Variants in RGS5 observed in about 807,000 individuals in gnomAD.
The protein encoded by RGS5 is regulator of G-protein signalling 5.
RGS5 carries 20 observed loss-of-function variants against 18.9 expected under a neutral mutation model. The observed-to-expected ratio is 1.06, with a 90% confidence interval of 0.74 to 1.54. RGS5 has a LOEUF of 1.54. Ranked by LOEUF, RGS5 falls within the 40% of genes most tolerant of loss-of-function variation. The pLI, the probability that RGS5 is intolerant of heterozygous loss-of-function variation, is 0.00. For missense variants in RGS5, 201 were observed against 211.8 expected (o/e 0.95, Z 0.32); for synonymous variants, 57 against 76.2 (o/e 0.75, Z 1.31).
rs370572650 is a variant in RGS5, at chr1:163,233,955, C to T, written c.-280-65587G>A. On this transcript the variant is annotated intron_variant, in intron 2 of 5. Coordinates refer to the RGS5 transcript ENST00000618415. Reference sequence around the variant, plus strand: ...GGCTATTTTCACTTCTTTTGTGGATCTTCAGTTGCTTCAGGCCATCTGGAT... The same window carrying T: ...GGCTATTTTCACTTCTTTTGTGGATTTTCAGTTGCTTCAGGCCATCTGGAT... Among the ~76,000 whole-genome samples the T allele has an allele frequency of 6.5e-4, 99 of 152,268 alleles. 1 individual carries two copies. Among genetic ancestry groups the T allele is most frequent in the South Asian group, 5.8e-3 (28 of 4,820 alleles).
chr1:163,163,782 G>C (rs1161992716), intron 2 of RGS5, among the ~76,000 whole-genome samples: 1 of 152,152 alleles, frequency 6.6e-6, no homozygotes, highest in Non-Finnish European at 1.5e-5. Flanking sequence ...TAAATTATTA[G>C]ACAAAAGAAA....
At chr1:163,178,561 C>T (rs1210618219) in intron 1 of RGS5, among the ~76,000 whole-genome samples, 1 of 152,078 alleles carries the variant, frequency 6.6e-6, no homozygotes, top group African/African-American at 2.4e-5. Flanking sequence ...GGTTCCTACC[C>T]TTAACCAAGA....
intron 2 of RGS5, among the ~76,000 whole-genome samples, chr1:163,283,566 G>C (rs928647488): frequency 6.6e-5 from 10 of 152,126 alleles, no homozygotes; most frequent in African/African-American, 2.4e-4. Flanking sequence ...TCCACTCCGT[G>C]AGTGTATGTA....
At chr1:163,265,422 A>C (rs1648551361) in intron 2 of RGS5, among the ~76,000 whole-genome samples, 1 of 152,050 alleles carries the variant, frequency 6.6e-6, no homozygotes, top group South Asian at 2.1e-4. Context: ...CTGCTCTCCT[A>C]GTCTTGTAAG....
chr1:163,256,952 T>G, intron 2 of RGS5, among the ~76,000 whole-genome samples: 1 of 152,218 alleles, frequency 6.6e-6, no homozygotes, highest in South Asian at 2.1e-4. Flanking sequence ...GGTAATCTAT[T>G]GCCAACCACC....
chr1:163,182,662 T>TA (rs1288175466), intron 1 of RGS5, among the ~76,000 whole-genome samples: 2 of 152,198 alleles, frequency 1.3e-5, no homozygotes, highest in African/African-American at 4.8e-5. Flanking sequence ...CTTTTGGCAA[T>TA]TCATTTTGGA....
chr1:163,292,127 C>A (rs190590619), intron 2 of RGS5, among the ~76,000 whole-genome samples: 1 of 152,024 alleles, frequency 6.6e-6, no homozygotes, highest in Non-Finnish European at 1.5e-5. Context: ...AGGTATTAAG[C>A]CGAGCATCCA....
intron 2 of RGS5, 46 bp from the exon 3 acceptor site, chr1:163,162,022 A>T (rs1296714610): frequency 3.9e-6 from 5 of 1,284,652 alleles, no homozygotes; most frequent in Non-Finnish European, 5.7e-6. Flanking sequence ...GTAAGTAGGC[A>T]TTGAACCACA....
intron 2 of RGS5, chr1:163,162,772 T>C (rs1657861150): frequency 6.6e-6 from 1 of 152,136 alleles, no homozygotes. Context: ...CAACCACCAA[T>C]TTTTCTCTCA....
chr1:163,262,974 A>T (rs1298037287), intron 2 of RGS5, among the ~76,000 whole-genome samples: 2 of 152,132 alleles, frequency 1.3e-5, no homozygotes, highest in Non-Finnish European at 2.9e-5. Flanking sequence ...TAATTTCATA[A>T]ACTGATAGGG....
At chr1:163,293,221 T>C (rs1557933498) in intron 2 of RGS5, among the ~76,000 whole-genome samples, 1 of 152,154 alleles carries the variant, frequency 6.6e-6, no homozygotes, top group East Asian at 1.9e-4. Context: ...TATTTGTTCA[T>C]TTTCACACTG....
chr1:163,230,391 T>A (rs1156393920), intron 2 of RGS5, among the ~76,000 whole-genome samples: 3 of 152,130 alleles, frequency 2.0e-5, no homozygotes, highest in African/African-American at 7.2e-5. Context: ...AAGAAAAAAA[T>A]GTTATAGTGA....
chr1:163,205,783 A>G (rs1383544494), upstream of RGS5, among the ~76,000 whole-genome samples: 1 of 152,228 alleles, frequency 6.6e-6, no homozygotes, highest in Non-Finnish European at 1.5e-5. Flanking sequence ...TCCTGCCCAC[A>G]CAACTGCTCT....
At position 163,143,466 on chromosome 1, in the gene RGS5, C is replaced by G. The variant is rs1657003315; in HGVS notation, c.*3876G>C. On this transcript the variant is annotated 3_prime_UTR_variant, in exon 5 of 5. Transcript: ENST00000313961. The stretch of plus-strand genomic sequence containing the variant: ...TATTCATTTTTCTAGTCAAGGCTTT[C>G]TAGGATGATAAAATAAAATTTTACA... 6.6e-6 allele frequency: 1 copy of G among 152,092 alleles called. No homozygotes were observed. The highest frequency in any genetic ancestry group is 1.5e-5 in the Non-Finnish European group (1 of 67,986). 9.4% of individuals were successfully genotyped at this position (152,092 alleles called of 1,614,324 possible).
intron 2 of RGS5, among the ~76,000 whole-genome samples, chr1:163,254,815 A>G (rs370730599): frequency 2.0e-5 from 3 of 150,944 alleles, no homozygotes; most frequent in Non-Finnish European, 4.4e-5. Flanking sequence ...ATCTTGAATT[A>G]ATTTTTGTAT....
intron 2 of RGS5, among the ~76,000 whole-genome samples, chr1:163,259,159 AT>A (rs139012006): frequency 4.7e-5 from 7 of 149,496 alleles, no homozygotes; most frequent in African/African-American, 9.8e-5. Context: ...CAGTCTTAGT[AT>A]TTTTTTTTTA....
chr1:163,182,631 G>T (rs1364908411), intron 1 of RGS5, among the ~76,000 whole-genome samples: 2 of 152,152 alleles, frequency 1.3e-5, no homozygotes, highest in Non-Finnish European at 2.9e-5. Flanking sequence ...TATTCCAAAT[G>T]TTGTTGGCAG....
chr1:163,206,740 C>T (rs1240091546), upstream of RGS5: 1 of 151,396 alleles, frequency 6.6e-6, no homozygotes, highest in Non-Finnish European at 1.5e-5. Flanking sequence ...GAGAGCAGCT[C>T]TCATCAGACA....
chr1:163,196,494 T>C (rs1257389933), intron 1 of RGS5, among the ~76,000 whole-genome samples: 2 of 152,164 alleles, frequency 1.3e-5, no homozygotes, highest in Non-Finnish European at 2.9e-5. Context: ...TCTAAAAGTG[T>C]TATGAATTGA....
Sources: allele counts gnomAD v4.1 joint callset (sites outside exome capture counted in the v4.1 genomes callset), GRCh38; gene constraint gnomAD v4.1.1; transcripts MANE v1.5; gene names NCBI Gene and HGNC (gene_info 2026-07-23, HGNC 2026-07-21).